Variants in ALK observed in about 807,000 individuals in gnomAD.
ALK encodes the protein ALK tyrosine kinase receptor.
In ALK, 74 loss-of-function variants were observed where a neutral mutation model predicts 163.1. The observed-to-expected ratio is 0.45, with a 90% CI of 0.38 to 0.55. The LOEUF (loss-of-function observed/expected upper bound fraction) is 0.55, where lower values mean the gene tolerates loss of function less well. Ranked by LOEUF, ALK falls within the 20% of genes least tolerant of loss-of-function variation. The pLI is 0.00. For missense variants in ALK, 2,063 were observed against 2,105.3 expected, an observed-to-expected ratio of 0.98 and a Z score of 0.39; for synonymous variants, 960 against 843.2, an observed-to-expected ratio of 1.14 and a Z score of -2.40.
intron 1 of ALK, among the ~76,000 whole-genome samples, chr2:29,791,885 C>T (rs1664199034): frequency 6.6e-6 from 1 of 152,102 alleles, no homozygotes; most frequent in Non-Finnish European, 1.5e-5. Flanking sequence ...TCAGGATTTT[C>T]TCTAAACAAT....
intron 3 of ALK, among the ~76,000 whole-genome samples, chr2:29,649,213 T>C (rs1352162479): frequency 1.6e-5 from 2 of 124,560 alleles, no homozygotes; most frequent in African/African-American, 3.9e-5. Flanking sequence ...AGAGTGTGTG[T>C]ATGTGAGAGA....
At chr2:29,755,161 G>A (rs1006719990) in intron 1 of ALK, among the ~76,000 whole-genome samples, 1 of 152,210 alleles carries the variant, frequency 6.6e-6, no homozygotes. Context: ...ACAATAAGGC[G>A]ATTTCACGCA....
At chr2:29,670,485 T>A (rs1677647455) in intron 3 of ALK, among the ~76,000 whole-genome samples, 1 of 152,070 alleles carries the variant, frequency 6.6e-6, no homozygotes, top group Non-Finnish European at 1.5e-5. Context: ...GGTTATTATA[T>A]ACCTTGGTGT....
Position 29,365,483 on chromosome 2 carries a change from G to A in ALK, c.1282+18249C>T, listed in dbSNP as rs1056283075. On this transcript the variant is annotated intron_variant, in intron 5 of 28. Coordinates refer to ENST00000389048, the MANE Select transcript of ALK (RefSeq NM_004304.5). ...GTTGGGGCCAGAGAAAGAGGGTCCA[G>A]CTCCAAGGTCTCCAAACTTTATTCT... is the stretch of plus-strand genomic sequence containing the variant. Among the ~76,000 whole-genome samples the A allele has an allele frequency of 2.8e-4, 42 of 152,282 alleles. No individual in the cohort carries two copies. In the Middle Eastern group the frequency reaches 0.014, roughly 49 times the overall value.
chr2:29,499,686 A>G (rs1202512177), intron 4 of ALK, among the ~76,000 whole-genome samples: 1 of 151,912 alleles, frequency 6.6e-6, no homozygotes, highest in Non-Finnish European at 1.5e-5. Flanking sequence ...CTCCTCTTCC[A>G]ACCCTCATTT....
At chr2:29,322,636 A>T (rs1456077646) in intron 6 of ALK, among the ~76,000 whole-genome samples, 2 of 152,106 alleles carry the variant, frequency 1.3e-5, no homozygotes, top group Non-Finnish European at 2.9e-5. Context: ...GAGTTTGAGA[A>T]CAGCCTGGCC....
intron 14 of ALK, among the ~76,000 whole-genome samples, chr2:29,232,909 A>T (rs867023897): frequency 1.3e-5 from 2 of 152,186 alleles, no homozygotes; most frequent in African/African-American, 4.8e-5. Context: ...GGGAGGACCT[A>T]GCAGGTGGCC....
intron 1 of ALK, among the ~76,000 whole-genome samples, chr2:29,835,450 G>T (rs979646898): frequency 6.6e-6 from 1 of 152,164 alleles, no homozygotes; most frequent in Non-Finnish European, 1.5e-5. Context: ...AACTGAAAAT[G>T]AAGTTATGGA....
chr2:29,222,587 A>G lies in ALK; in HGVS notation c.3380T>C (p.Phe1127Ser), dbSNP rs1405217832. 8 of 1,614,072 alleles carry G rather than the reference A, an allele frequency of 5.0e-6. No homozygotes were observed. Among genetic ancestry groups the G allele is most frequent in the Non-Finnish European group, 6.8e-6 (8 of 1,180,018 alleles). The change falls in exon 21 of 29, where the codon TTT (phenylalanine) becomes TCT (serine). Residue 1127 changes from phenylalanine to serine, a missense_variant. Around this residue, in one of 5 missense-constraint regions of ALK, gnomAD observed 575 missense variants for 626.6 expected, o/e 0.92. Transcript: ENST00000389048. ...TLIRGLGHGA[F>S]GEVYEGQVSG... The stretch of plus-strand genomic sequence containing the variant: ...CACCTGGCCTTCATACACCTCCCCA[A>G]AGGCGCCATGGCCCAGACCCCTGTG...
intron 3 of ALK, among the ~76,000 whole-genome samples, chr2:29,661,002 C>T (rs1677331646): frequency 2.0e-5 from 3 of 152,066 alleles, no homozygotes; most frequent in Non-Finnish European, 2.9e-5. Flanking sequence ...GGACATCTTC[C>T]TGGGCAGTTA....
chr2:29,911,809 G>A (rs1210852934), intron 1 of ALK, among the ~76,000 whole-genome samples: 14 of 152,306 alleles, frequency 9.2e-5, no homozygotes, highest in African/African-American at 3.4e-4. Context: ...GATATCATAT[G>A]CCAATAATAA....
chr2:29,229,988 A>T (rs950705221), intron 15 of ALK, among the ~76,000 whole-genome samples: 11 of 152,204 alleles, frequency 7.2e-5, no homozygotes, highest in African/African-American at 2.7e-4. Context: ...CCACAGGTTG[A>T]CCACAAGAAA....
chr2:29,385,448 G>T (rs1005273003), intron 4 of ALK, among the ~76,000 whole-genome samples: 15 of 150,834 alleles, frequency 9.9e-5, no homozygotes, highest in Non-Finnish European at 2.1e-4. Context: ...GAGTGCAGTG[G>T]TGTGATCACA....
chr2:29,442,481 T>C (rs962812293), intron 4 of ALK, among the ~76,000 whole-genome samples: 3 of 152,132 alleles, frequency 2.0e-5, no homozygotes, highest in Non-Finnish European at 4.4e-5. Flanking sequence ...AGAGTATTGG[T>C]AAGTGAGACT....
intron 3 of ALK, among the ~76,000 whole-genome samples, chr2:29,685,537 C>T (rs1678210816): frequency 6.6e-6 from 1 of 152,162 alleles, no homozygotes; most frequent in African/African-American, 2.4e-5. Flanking sequence ...AGCCAGAATT[C>T]ATTGGATACC....
intron 1 of ALK, among the ~76,000 whole-genome samples, chr2:29,866,524 C>T (rs780808022): frequency 3.3e-5 from 5 of 152,248 alleles, no homozygotes; most frequent in Admixed American, 6.5e-5. Context: ...CCAAACTACA[C>T]GTGAATGGAA....
At position 29,511,495 on chromosome 2, in the gene ALK, A is replaced by G. The variant is rs78744815; in HGVS notation, c.1154+20420T>C. On this transcript the variant is annotated intron_variant, in intron 4 of 28. Coordinates refer to ENST00000389048, the MANE Select transcript of ALK (RefSeq NM_004304.5). ...ATTTTATTTATTTTTATTGTTGGAT[A>G]GTGTTCCATAGTATAGATAAACCAC... 7.2e-3 allele frequency among the ~76,000 whole-genome samples: 1,098 copies of G among 152,310 alleles called. 9 individuals are homozygous for G. Among genetic ancestry groups the G allele is most frequent in the African/African-American group, 0.024 (994 of 41,566 alleles).
intron 3 of ALK, among the ~76,000 whole-genome samples, chr2:29,660,291 A>G (rs1040073286): frequency 6.6e-6 from 1 of 152,212 alleles, no homozygotes; most frequent in African/African-American, 2.4e-5. Flanking sequence ...CTGTGGACTG[A>G]CTGTGAACAC....
chr2:29,232,277 GGA>G, intron 15 of ALK, 25 bp downstream of exon 15: 1 of 1,613,938 alleles, frequency 6.2e-7, no homozygotes, highest in Non-Finnish European at 8.5e-7. Flanking sequence ...AGAGGTTCTG[GGA>G]GAGGGCACGC....
Sources: gnomAD v4.1 joint callset for allele counts (sites outside exome capture counted in the v4.1 genomes callset) on GRCh38, gnomAD v4.1.1 for gene constraint, gnomAD v4.1.1 regional missense constraint, MANE v1.5 for transcripts, NCBI Gene and HGNC (gene_info 2026-07-23, HGNC 2026-07-21) for gene names.